MAP4: variants seen among roughly 807,000 people sequenced by gnomAD.
The protein encoded by MAP4 is microtubule-associated protein 4.
Under a neutral mutation model 170.2 loss-of-function variants are expected in MAP4, and 76 were observed. The observed-to-expected ratio is 0.45, with a 90% CI of 0.37 to 0.54. The LOEUF is 0.54. MAP4 is among the 20% of genes least tolerant of loss of function. The pLI is 0.00. For synonymous variants in MAP4, 909 were observed against 994.5 expected (o/e 0.91, Z 1.62); for missense variants, 2,506 against 2,748.0 (o/e 0.91, Z 1.97).
At chr3:47,928,958 A>G (rs748319515) in intron 3 of MAP4, among the ~76,000 whole-genome samples, 2 of 152,220 alleles carry the variant, frequency 1.3e-5, no homozygotes, top group African/African-American at 2.4e-5. Flanking sequence ...AGCTCATTCC[A>G]TAATTTATAT....
At chr3:47,981,792 ATATATTTACC>A (rs2100085580) in intron 2 of MAP4, among the ~76,000 whole-genome samples, 1 of 151,816 alleles carries the variant, frequency 6.6e-6, no homozygotes, top group African/African-American at 2.4e-5. Context: ...CTTTATTCCC[ATATATTTACC>A]TATGTGATTA....
intron 2 of MAP4, among the ~76,000 whole-genome samples, chr3:47,995,068 G>T (rs1484701855): frequency 1.3e-5 from 2 of 151,890 alleles, no homozygotes; most frequent in Non-Finnish European, 2.9e-5. Context: ...TTGTTTTACC[G>T]TACATCCCTT....
intron 1 of MAP4, among the ~76,000 whole-genome samples, chr3:48,039,111 A>C (rs1325971056): frequency 2.6e-5 from 4 of 152,170 alleles, no homozygotes; most frequent in African/African-American, 4.8e-5. Flanking sequence ...CTCAAAAAAA[A>C]CAAACAAACA....
intron 3 of MAP4, among the ~76,000 whole-genome samples, chr3:47,940,402 C>T (rs2100055522): frequency 6.6e-6 from 1 of 152,184 alleles, no homozygotes. Flanking sequence ...TTTTAGCATA[C>T]TTGCAATCTA....
At chr3:47,965,579 T>C (rs1261755008) in intron 3 of MAP4, among the ~76,000 whole-genome samples, 2 of 152,252 alleles carry the variant, frequency 1.3e-5, no homozygotes, top group Non-Finnish European at 2.9e-5. Flanking sequence ...TGTTCTTGTT[T>C]TCATACTAGC....
chr3:48,058,217 T>G (rs895105490), intron 1 of MAP4, among the ~76,000 whole-genome samples: 1 of 152,228 alleles, frequency 6.6e-6, no homozygotes, highest in Non-Finnish European at 1.5e-5. Flanking sequence ...GAAAAATGAC[T>G]CAGTCCTAGA....
chr3:47,897,786 C>A (rs1391466986), intron 10 of MAP4, among the ~76,000 whole-genome samples: 7 of 151,150 alleles, frequency 4.6e-5, no homozygotes, highest in African/African-American at 1.7e-4. Context: ...AAAAAAGATA[C>A]AAAAAATTAG....
rs1300758473 is a variant in MAP4, at chr3:47,852,374, T to TG, written c.*559dup. ...CAAGAAGGGCCCGACACCACCTGCA[T>TG]GGGGAGGGGGGGGCGCCCATTTGTG... On this transcript the variant is annotated 3_prime_UTR_variant, in exon 21 of 21. Coordinates refer to ENST00000683076, the MANE Select transcript of MAP4 (RefSeq NM_001385682.1). 239 of 177,740 alleles carry TG rather than the reference T, an allele frequency of 1.3e-3. 1 individual carries two copies. Among genetic ancestry groups the TG allele is most frequent in the South Asian group, 0.011 (65 of 5,828 alleles). The allele number at this position is 177,740 out of a possible 1,614,324, so 11.0% of individuals were successfully genotyped here.
At chr3:47,875,961 C>T in intron 11 of MAP4, 61 bp from the exon 12 acceptor site, 1 of 1,216,946 alleles carries the variant, frequency 8.2e-7, no homozygotes, top group Non-Finnish European at 1.2e-6. Flanking sequence ...ATCAAACAGA[C>T]AAGAATAAAA....
Position 47,855,259 on chromosome 3 carries a change from C to T in MAP4, c.6685G>A (p.Gly2229Ser). The change falls in exon 19 of 21, where the codon GGT becomes AGT. Residue 2229 changes from glycine (G) to serine (S), a missense_variant. By Grantham distance (56) the Gly-to-Ser change is moderately conservative. Transcript: ENST00000683076. The surrounding 1 kb of genome is among the most constrained non-coding windows in gnomAD (Gnocchi z 5.1). Reference protein sequence around the residue: ...LDNVGHLPAGGAVKTEGGGSE... With the variant: ...LDNVGHLPAGSAVKTEGGGSE... ...GACCCACTCGCTACCTTCACAGCAC[C>T]TCCTGCAGGTAGGTGGCCCACATTA... The T allele has an allele frequency of 6.2e-7, 1 of 1,613,248 alleles. No individual in the cohort carries two copies. Among genetic ancestry groups the T allele is most frequent in the Non-Finnish European group, 8.5e-7 (1 of 1,179,178 alleles).
chr3:47,982,769 TAAAATGGAATCAA>T lies in MAP4; in HGVS notation c.224-4849_224-4837del, dbSNP rs58963348. ...AATTCATACGATTTGATTCCATTTG[TAAAATGGAATCAA>T]ATGAAAGTAAAGCCACTAAATTTTT... is the stretch of plus-strand genomic sequence containing the variant. On this transcript the variant is annotated intron_variant, in intron 2 of 20. Coordinates refer to ENST00000683076, the MANE Select transcript of MAP4 (RefSeq NM_001385682.1). Among the ~76,000 whole-genome samples the T allele has an allele frequency of 4.1e-3, 623 of 152,298 alleles. 6 individuals are homozygous for T. Among genetic ancestry groups the T allele is most frequent in the African/African-American group, 0.014 (595 of 41,556 alleles).
At chr3:48,020,238 T>C (rs1159972209), upstream of MAP4, among the ~76,000 whole-genome samples, 2 of 152,302 alleles carry the variant, frequency 1.3e-5, no homozygotes, top group East Asian at 3.9e-4. Flanking sequence ...CCTTAACGCT[T>C]GAGTTCCTCG....
At chr3:48,034,399 C>T (rs2100117715) in intron 1 of MAP4, among the ~76,000 whole-genome samples, 1 of 151,984 alleles carries the variant, frequency 6.6e-6, no homozygotes, top group African/African-American at 2.4e-5. Flanking sequence ...CACACATTGA[C>T]CATTTAAAAA....
At chr3:47,991,822 C>G (rs1264902289) in intron 2 of MAP4, among the ~76,000 whole-genome samples, 1 of 152,076 alleles carries the variant, frequency 6.6e-6, no homozygotes, top group African/African-American at 2.4e-5. Flanking sequence ...GTGCCCACCA[C>G]CACGCCCAGC....
chr3:48,081,147 G>A (rs1029330024), intron 1 of MAP4, among the ~76,000 whole-genome samples: 2 of 150,674 alleles, frequency 1.3e-5, no homozygotes, highest in South Asian at 2.1e-4. Context: ...AACATTAGCC[G>A]GGAGTGGTGG....
At chr3:47,921,349 C>T (rs1365270188) in intron 5 of MAP4, among the ~76,000 whole-genome samples, 2 of 152,190 alleles carry the variant, frequency 1.3e-5, no homozygotes, top group Non-Finnish European at 2.9e-5. Flanking sequence ...CCAAAATACG[C>T]TACTTTGGCA....
chr3:47,915,263 T>C (rs528661715), intron 7 of MAP4, among the ~76,000 whole-genome samples: 6 of 152,064 alleles, frequency 3.9e-5, no homozygotes, highest in Admixed American at 3.9e-4. Flanking sequence ...ATTACAGGCA[T>C]GCGCCACCAT....
chr3:48,088,245 G>C (rs1322867030), intron 1 of MAP4, among the ~76,000 whole-genome samples: 1 of 142,136 alleles, frequency 7.0e-6, no homozygotes, highest in East Asian at 2.1e-4. Flanking sequence ...ACACAGTGTC[G>C]GGGCCTTTGC....
Position 47,861,532 on chromosome 3 carries a change from T to C in MAP4, c.6502-4020A>G, listed in dbSNP as rs574292027. ...CACGCCCAGCTGATTTTTGTATTTT[T>C]AGTAGAGCCGGGGTTTCACTGTGTT... On this transcript the variant is annotated intron_variant, in intron 17 of 20. Transcript: ENST00000683076. 1.4e-4 allele frequency among the ~76,000 whole-genome samples: 21 copies of C among 151,252 alleles called. No individual in the cohort carries two copies. The South Asian group carries it at 4.4e-3, about 32-fold the overall frequency.
Sources: allele counts gnomAD v4.1 joint callset (sites outside exome capture counted in the v4.1 genomes callset), GRCh38; gene constraint gnomAD v4.1.1; non-coding constraint Gnocchi (gnomAD v3.1); transcripts MANE v1.5; gene names NCBI Gene and HGNC (gene_info 2026-07-23, HGNC 2026-07-21).